The following MYO7A variants were observed in gnomAD, a reference collection of about 807,000 sequenced individuals.
MYO7A encodes myosin VIIA.
In MYO7A, 210 loss-of-function variants were observed where a neutral mutation model predicts 263.8. That is an observed-to-expected ratio of 0.80 (90% confidence interval 0.71 to 0.89). MYO7A has a LOEUF of 0.89. MYO7A is among the 40% of genes least tolerant of loss of function. MYO7A has a pLI of 0.00. For synonymous variants in MYO7A, 1,239 were observed against 1,197.3 expected (o/e 1.03, Z -0.72); for missense variants, 2,820 against 2,968.3 (o/e 0.95, Z 1.16).
chr11:77,199,482 C>T lies in MYO7A; in HGVS notation c.4569-53C>T, dbSNP rs556353865. ...CCTGAGATGTGTCTGAGCTGGGCCA[C>T]GTCTCCCACTGGTTGGGGCATGACT... On this transcript the variant is annotated intron_variant, in intron 34 of 48. Transcript: ENST00000409709. The T allele has an allele frequency of 2.9e-5, 42 of 1,435,020 alleles. No homozygotes were observed. The East Asian group carries it at 3.1e-4, about 10-fold the overall frequency. 88.9% of individuals were successfully genotyped at this position (1,435,020 alleles called of 1,614,324 possible).
chr11:77,189,753 C>T (rs1383651653), intron 28 of MYO7A, among the ~76,000 whole-genome samples: 2 of 152,224 alleles, frequency 1.3e-5, no homozygotes, highest in African/African-American at 4.8e-5. Flanking sequence ...GCGCTGGGGT[C>T]AGAGTGGAGC....
chr11:77,157,804 A>G (rs1555064969), intron 8 of MYO7A, among the ~76,000 whole-genome samples: 1 of 152,226 alleles, frequency 6.6e-6, no homozygotes, highest in East Asian at 1.9e-4. Context: ...ACACGTGCAC[A>G]CACACACACT....
At position 77,206,357 on chromosome 11, in the gene MYO7A, C is replaced by T. The variant is rs144403460; in HGVS notation, c.5742+155C>T. On this transcript the variant is annotated intron_variant, in intron 41 of 48. Transcript: ENST00000409709. ...TGGAGTCGGGGCTCAGGACGAAGGCCATCGACTCCCCAGGTCAGGGGCCCT... is the reference window on the plus strand; with the variant it reads ...TGGAGTCGGGGCTCAGGACGAAGGCTATCGACTCCCCAGGTCAGGGGCCCT... Among the ~76,000 whole-genome samples the T allele has an allele frequency of 3.7e-3, 569 of 152,328 alleles. 3 individuals are homozygous for T. Among genetic ancestry groups the T allele is most frequent in the African/African-American group, 0.013 (524 of 41,586 alleles).
intron 10 of MYO7A, among the ~76,000 whole-genome samples, 173 bp downstream of exon 10, chr11:77,159,696 G>T (rs1555067092): frequency 6.6e-6 from 1 of 152,196 alleles, no homozygotes; most frequent in Non-Finnish European, 1.5e-5. Context: ...CACAGGTCCT[G>T]AAGGAGCTTC....
chr11:77,165,180 G>A (rs1013361266), intron 14 of MYO7A, among the ~76,000 whole-genome samples: 2 of 152,060 alleles, frequency 1.3e-5, no homozygotes, highest in Non-Finnish European at 2.9e-5. Context: ...CCTGCAACTC[G>A]CCCCTCCCCA....
At chr11:77,178,083 C>T (rs1555081130) in intron 19 of MYO7A, among the ~76,000 whole-genome samples, 2 of 151,636 alleles carry the variant, frequency 1.3e-5, no homozygotes, top group Non-Finnish European at 2.9e-5. Context: ...GATTAAAGCT[C>T]TGCAAAAATT....
chr11:77,190,717 AATC>A lies in MYO7A; in HGVS notation c.3774_3776del (p.Ile1258del), dbSNP rs1236067006. Reference sequence around the variant, plus strand: ...TCCAGGCCACCAAGTCCAAGAAGCCAATCATGTTGCCCGTGACATTCATGGATG... The same window carrying A: ...TCCAGGCCACCAAGTCCAAGAAGCCAATGTTGCCCGTGACATTCATGGATG... On this transcript the variant is annotated inframe_deletion, in exon 30 of 49. Coordinates refer to ENST00000409709, the MANE Select transcript of MYO7A (RefSeq NM_000260.4). The A allele has an allele frequency of 6.3e-7, 1 of 1,597,062 alleles. No individual in the cohort carries two copies. The highest frequency in any genetic ancestry group is 8.5e-7 in the Non-Finnish European group (1 of 1,172,362).
At chr11:77,165,546 C>G (rs1953455313) in intron 14 of MYO7A, among the ~76,000 whole-genome samples, 1 of 152,214 alleles carries the variant, frequency 6.6e-6, no homozygotes, top group Non-Finnish European at 1.5e-5. Context: ...CTCTGAACAT[C>G]AGTTTTCTCC....
At position 77,198,484 on chromosome 11, in the gene MYO7A, T is replaced by G. The variant is rs1956834683; in HGVS notation, c.4442-11T>G. The G allele has an allele frequency of 1.2e-6, 2 of 1,613,104 alleles. No individual in the cohort carries two copies. The highest frequency in any genetic ancestry group is 1.7e-6 in the Non-Finnish European group (2 of 1,179,478). On this transcript the variant is annotated splice_polypyrimidine_tract_variant and intron_variant, in intron 33 of 48. Transcript: ENST00000409709. ...GGAGGCCTGCCTCTCAGTGCCTTGG[T>G]CTCGTCCCAGGCCCCAGTCTCCCCA...
At chr11:77,178,228 C>CCCATCCATCCATCCATCCAT (rs1426304782) in intron 19 of MYO7A, among the ~76,000 whole-genome samples, 5 of 123,396 alleles carry the variant, frequency 4.1e-5, no homozygotes, top group African/African-American at 1.5e-4. Flanking sequence ...CACCTATTCA[C>CCCATCCATCCATCCATCCAT]CCATCCATCC....
At chr11:77,211,991 GCA>G (rs775911257) in intron 46 of MYO7A, 54 bp downstream of exon 46, 25 of 1,392,924 alleles carry the variant, frequency 1.8e-5, no homozygotes, top group Non-Finnish European at 2.4e-5. Context: ...CATTGATAAA[GCA>G]CAGAGACTCC....
intron 45 of MYO7A, 61 bp downstream of exon 45, chr11:77,211,398 G>A (rs1024033243): frequency 6.7e-7 from 1 of 1,491,452 alleles, no homozygotes; most frequent in Non-Finnish European, 9.0e-7. Flanking sequence ...GGCACCCCAG[G>A]GGCCAAGGGG....
At chr11:77,137,226 G>A (rs1950937161) in intron 2 of MYO7A, among the ~76,000 whole-genome samples, 1 of 152,158 alleles carries the variant, frequency 6.6e-6, no homozygotes, top group South Asian at 2.1e-4. Flanking sequence ...GCTTCGTGCT[G>A]GACAGCAGAG....
At chr11:77,188,412 T>C (rs1437576268) in intron 27 of MYO7A, among the ~76,000 whole-genome samples, 1 of 152,140 alleles carries the variant, frequency 6.6e-6, no homozygotes, top group African/African-American at 2.4e-5. Flanking sequence ...TTTATCATGA[T>C]AAAAAAATGG....
At chr11:77,155,809 C>T (rs1591264594) in intron 4 of MYO7A, 98 bp from the exon 5 acceptor site, 1 of 1,315,834 alleles carries the variant, frequency 7.6e-7, no homozygotes, top group Non-Finnish European at 1.0e-6. Flanking sequence ...CAGGACTCTT[C>T]CCTCCAGGGT....
intron 2 of MYO7A, among the ~76,000 whole-genome samples, chr11:77,132,069 C>G (rs888280082): frequency 2.6e-5 from 4 of 152,090 alleles, no homozygotes; most frequent in Non-Finnish European, 5.9e-5. Flanking sequence ...CTTCCTTCCT[C>G]TGCTTCCCTG....
At chr11:77,201,396 T>C in intron 35 of MYO7A, 52 bp from the exon 36 acceptor site, 2 of 1,553,078 alleles carry the variant, frequency 1.3e-6, no homozygotes, top group South Asian at 2.3e-5. Flanking sequence ...GGGAAGATGT[T>C]CCAACTCAGC....
At chr11:77,143,651 A>G (rs1386329007) in intron 3 of MYO7A, among the ~76,000 whole-genome samples, 3 of 152,192 alleles carry the variant, frequency 2.0e-5, no homozygotes, top group African/African-American at 7.2e-5. Flanking sequence ...CAGAGCACAC[A>G]GGGGCAGCTT....
At chr11:77,159,407 A>ACCC in intron 9 of MYO7A, 40 bp from the exon 10 acceptor site, 3 of 426,926 alleles carry the variant, frequency 7.0e-6, no homozygotes, top group Non-Finnish European at 1.3e-5. Context: ...CCTGTTGCCC[A>ACCC]CCCTCCCTCC....
Sources: allele counts gnomAD v4.1 joint callset (sites outside exome capture counted in the v4.1 genomes callset), GRCh38; gene constraint gnomAD v4.1.1; transcripts MANE v1.5; gene names NCBI Gene and HGNC (gene_info 2026-07-23, HGNC 2026-07-21).